The following ME1 variants were observed in gnomAD, a reference collection of about 807,000 sequenced individuals.
ME1 encodes malic enzyme 1.
In ME1, 74 loss-of-function variants were observed where a neutral mutation model predicts 66.4. The ratio of observed to expected loss-of-function variants is 1.11; its 90% CI spans 0.92 to 1.35. The LOEUF (loss-of-function observed/expected upper bound fraction) is 1.35, where lower values mean the gene tolerates loss of function less well. ME1 is among the 40% of genes most tolerant of loss of function. The probability of loss-of-function intolerance (pLI) is 0.00; values close to 1 mark genes in which losing one functional copy is unlikely to be tolerated. For missense variants in ME1, 750 were observed against 694.1 expected, an observed-to-expected ratio of 1.08 and a Z score of -0.90; for synonymous variants, 251 against 235.6, an observed-to-expected ratio of 1.07 and a Z score of -0.60.
At chr6:83,372,404 A>G (rs1583405662) in intron 3 of ME1, among the ~76,000 whole-genome samples, 1 of 152,074 alleles carries the variant, frequency 6.6e-6, no homozygotes, top group Admixed American at 6.6e-5. Flanking sequence ...AATTTAATCA[A>G]TTTCTAGATA....
At chr6:83,382,441 A>G (rs1401110282) in intron 3 of ME1, among the ~76,000 whole-genome samples, 1 of 152,106 alleles carries the variant, frequency 6.6e-6, no homozygotes, top group Non-Finnish European at 1.5e-5. Context: ...TGAATGGTCA[A>G]TAATATTATC....
At chr6:83,227,265 A>C in intron 11 of ME1, 70 bp downstream of exon 11, 1 of 1,094,002 alleles carries the variant, frequency 9.1e-7, no homozygotes. Flanking sequence ...TAAGCACCTT[A>C]GATATCCTAG....
chr6:83,407,662 G>T, intron 2 of ME1, 106 bp downstream of exon 2: 1 of 1,144,146 alleles, frequency 8.7e-7, no homozygotes, highest in Non-Finnish European at 1.2e-6. Flanking sequence ...CTCAAAGTTG[G>T]CTACCCTTTC....
intron 3 of ME1, among the ~76,000 whole-genome samples, chr6:83,382,078 T>G (rs553158084): frequency 3.3e-5 from 5 of 152,090 alleles, no homozygotes; most frequent in African/African-American, 1.2e-4. Flanking sequence ...TCCTTATCCT[T>G]CAAGCGGCAG....
chr6:83,350,632 G>A (rs901234178), intron 4 of ME1, among the ~76,000 whole-genome samples: 8 of 151,828 alleles, frequency 5.3e-5, no homozygotes, highest in African/African-American at 1.7e-4. Context: ...CTACAGGCAT[G>A]CACCACCATT....
chr6:83,429,147 C>G (rs1770432446), intron 1 of ME1, among the ~76,000 whole-genome samples: 1 of 152,148 alleles, frequency 6.6e-6, no homozygotes, highest in Non-Finnish European at 1.5e-5. Context: ...CTTGTAGTCT[C>G]AGCTACTCGG....
At chr6:83,243,549 TATTATATCGATATAATCTATTATAATTAC>T (rs1562457503) in intron 7 of ME1, among the ~76,000 whole-genome samples, 8 of 59,638 alleles carry the variant, frequency 1.3e-4, no homozygotes, top group African/African-American at 5.8e-4. Context: ...ATTATAATTA[TATTATATCGATATAATCTATTATAATTAC>T]ATTATATCGA....
rs2128548446 is a variant in ME1, at chr6:83,380,363, G to C, written c.362+18004C>G. On this transcript the variant is annotated intron_variant, in intron 3 of 13. Coordinates refer to ENST00000369705, the MANE Select transcript of ME1 (RefSeq NM_002395.6). ...TTTGAATTTTATCATGGGGGAAATG[G>C]GGAGCCATTCAGTTATTTTAGTCAG... Among the ~76,000 whole-genome samples, 3 of 152,148 alleles carry C rather than the reference G, an allele frequency of 2.0e-5. 1 individual carries two copies. In the South Asian group the frequency reaches 6.2e-4, roughly 32 times the overall value.
intron 6 of ME1, among the ~76,000 whole-genome samples, chr6:83,255,886 G>T (rs897467369): frequency 2.0e-5 from 3 of 152,038 alleles, no homozygotes; most frequent in Non-Finnish European, 4.4e-5. Context: ...CAGGCACACA[G>T]GTATACCACA....
intron 3 of ME1, among the ~76,000 whole-genome samples, chr6:83,359,025 G>T (rs577196791): frequency 6.6e-6 from 1 of 152,020 alleles, no homozygotes; most frequent in Non-Finnish European, 1.5e-5. Context: ...AGGCAGAGGC[G>T]CTCCTCACTT....
intron 6 of ME1, among the ~76,000 whole-genome samples, chr6:83,278,921 T>C (rs1279196434): frequency 6.6e-6 from 1 of 152,110 alleles, no homozygotes; most frequent in Non-Finnish European, 1.5e-5. Flanking sequence ...GGCTTTCAAA[T>C]GGAGGAAAGA....
chr6:83,259,613 A>G (rs1766844714), intron 6 of ME1, among the ~76,000 whole-genome samples: 1 of 152,198 alleles, frequency 6.6e-6, no homozygotes, highest in Non-Finnish European at 1.5e-5. Context: ...GAATGCTAGA[A>G]TAAGTAATCC....
chr6:83,253,614 T>C lies in ME1; in HGVS notation c.814+15A>G, dbSNP rs1790758527. 1 of 1,376,126 alleles carries C rather than the reference T, an allele frequency of 7.3e-7. No homozygotes were observed. The highest frequency in any genetic ancestry group is 1.4e-5 in the African/African-American group (1 of 70,138). 85.2% of individuals were successfully genotyped at this position (1,376,126 alleles called of 1,614,324 possible). A position where few individuals can be genotyped will look rare whatever the true frequency, so the allele number is the denominator to read the frequency against. On this transcript the variant is annotated intron_variant, in intron 7 of 13. Transcript: ENST00000369705. ...AGACATGTTATTGATCCATATGCAG[T>C]GAAAATTTTGTTACCTTGAATATCA...
chr6:83,374,838 T>C (rs1262043747), intron 3 of ME1, among the ~76,000 whole-genome samples: 1 of 152,198 alleles, frequency 6.6e-6, no homozygotes, highest in East Asian at 1.9e-4. Flanking sequence ...CCCAGCACCA[T>C]TTATTAAATA....
chr6:83,214,564 C>A (rs1489189398), intron 13 of ME1, among the ~76,000 whole-genome samples: 1 of 152,144 alleles, frequency 6.6e-6, no homozygotes, highest in Non-Finnish European at 1.5e-5. Context: ...ATCCTGACCA[C>A]TTCTCTTCTT....
chr6:83,238,690 T>G (rs1008672916), intron 8 of ME1, among the ~76,000 whole-genome samples: 1 of 151,716 alleles, frequency 6.6e-6, no homozygotes, highest in African/African-American at 2.4e-5. Flanking sequence ...TTGTTTTATC[T>G]AAAAACAAGC....
At chr6:83,258,009 A>T (rs1300913331) in intron 6 of ME1, among the ~76,000 whole-genome samples, 1 of 152,154 alleles carries the variant, frequency 6.6e-6, no homozygotes, top group African/African-American at 2.4e-5. Flanking sequence ...TCCCGGATCT[A>T]CTACTTACTT....
At chr6:83,268,584 G>A (rs1767029301) in intron 6 of ME1, among the ~76,000 whole-genome samples, 1 of 151,854 alleles carries the variant, frequency 6.6e-6, no homozygotes, top group Admixed American at 6.6e-5. Context: ...AAACTTTTTC[G>A]AGACAGAGTC....
intron 3 of ME1, among the ~76,000 whole-genome samples, chr6:83,380,597 A>T (rs1315178458): frequency 6.6e-6 from 1 of 152,094 alleles, no homozygotes; most frequent in Non-Finnish European, 1.5e-5. Flanking sequence ...AGGGGAAAAA[A>T]TCCTGATTAT....
Sources: gnomAD v4.1 joint callset for allele counts (sites outside exome capture counted in the v4.1 genomes callset) on GRCh38, gnomAD v4.1.1 for gene constraint, MANE v1.5 for transcripts, NCBI Gene and HGNC (gene_info 2026-07-23, HGNC 2026-07-21) for gene names.